Variants in RPRD2 observed in about 807,000 individuals in gnomAD.
RPRD2 encodes regulation of nuclear pre-mRNA domain-containing protein 2.
In RPRD2, 12 loss-of-function variants were observed where a neutral mutation model predicts 104.4. The ratio of observed to expected loss-of-function variants is 0.11; its 90% confidence interval spans 0.07 to 0.19. The LOEUF (loss-of-function observed/expected upper bound fraction) is 0.19. Ranked by LOEUF, RPRD2 falls within the 10% of genes least tolerant of loss-of-function variation. The pLI is 1.00. For missense variants in RPRD2, 1,543 were observed against 1,790.1 expected, an observed-to-expected ratio of 0.86 and a Z score of 2.49; for synonymous variants, 714 against 684.9, an observed-to-expected ratio of 1.04 and a Z score of -0.66.
rs761428712 is a variant in RPRD2 at position 150,472,819 on chromosome 1, ACTCCACCCCCTC to A, written c.3883_3894del (p.Pro1295_Pro1298del). On this transcript the variant is annotated inframe_deletion, in exon 11 of 11. Transcript: ENST00000369068. ...TGGTGGGAGTGGTGTCCCCTTTTCT[ACTCCACCCCCTC>A]CTCCACCCCCTGTTGACCACTCTGG... The A allele has an allele frequency of 1.2e-4, 198 of 1,600,190 alleles. No individual in the cohort carries two copies. Among genetic ancestry groups the A allele is most frequent in the Non-Finnish European group, 1.5e-4 (174 of 1,173,874 alleles).
chr1:150,369,502 G>A (rs1335280251), intron 1 of RPRD2, among the ~76,000 whole-genome samples: 1 of 131,412 alleles, frequency 7.6e-6, no homozygotes, highest in African/African-American at 2.9e-5. Context: ...TGTCGCCCAG[G>A]CTGGAGTGCA....
At chr1:150,433,349 C>T (rs1665733506) in intron 2 of RPRD2, among the ~76,000 whole-genome samples, 1 of 149,352 alleles carries the variant, frequency 6.7e-6, no homozygotes, top group Non-Finnish European at 1.5e-5. Flanking sequence ...AGAAATTTAC[C>T]ATCAACAGAC....
At chr1:150,451,148 G>A (rs1667140146) in intron 7 of RPRD2, among the ~76,000 whole-genome samples, 1 of 152,070 alleles carries the variant, frequency 6.6e-6, no homozygotes, top group Non-Finnish European at 1.5e-5. Flanking sequence ...TTTGTATAAT[G>A]TTTCCCAGTT....
chr1:150,400,090 G>A (rs1371236352), intron 1 of RPRD2, among the ~76,000 whole-genome samples: 1 of 152,120 alleles, frequency 6.6e-6, no homozygotes, highest in Non-Finnish European at 1.5e-5. Flanking sequence ...TCAGCATAGC[G>A]ATCTTGCATG....
At chr1:150,371,488 T>A (rs1206066731) in intron 1 of RPRD2, among the ~76,000 whole-genome samples, 1 of 151,924 alleles carries the variant, frequency 6.6e-6, no homozygotes, top group Non-Finnish European at 1.5e-5. Context: ...CTCAGCCTCC[T>A]GAGTAGCTGG....
intron 1 of RPRD2, among the ~76,000 whole-genome samples, chr1:150,372,415 G>A (rs1251735727): frequency 2.0e-5 from 3 of 151,854 alleles, no homozygotes; most frequent in East Asian, 1.9e-4. Flanking sequence ...GCTTGAACCC[G>A]GGAGGCAGAG....
At chr1:150,451,749 A>T (rs1286254680) in intron 7 of RPRD2, among the ~76,000 whole-genome samples, 2 of 151,744 alleles carry the variant, frequency 1.3e-5, no homozygotes, top group African/African-American at 2.4e-5. Flanking sequence ...TGTGAATGTG[A>T]CCTTATTTGG....
At chr1:150,455,499 C>G (rs1317128187) in intron 7 of RPRD2, among the ~76,000 whole-genome samples, 1 of 148,512 alleles carries the variant, frequency 6.7e-6, no homozygotes. Context: ...GAGACTCCAT[C>G]TCAAAAAAAA....
chr1:150,464,786 A>C, intron 10 of RPRD2, 59 bp downstream of exon 10: 2 of 1,304,302 alleles, frequency 1.5e-6, no homozygotes, highest in Non-Finnish European at 2.2e-6. Flanking sequence ...GCTTAAATTA[A>C]TCCTGGATTC....
chr1:150,429,404 G>A (rs138602472), intron 2 of RPRD2, among the ~76,000 whole-genome samples: 296 of 151,904 alleles, frequency 1.9e-3, no homozygotes, highest in Middle Eastern at 0.014. Context: ...TCTCAGGCTG[G>A]AGTACAGTGG....
Position 150,470,965 on chromosome 1 carries a change from C to T in RPRD2, c.2017C>T (p.His673Tyr). The change falls in exon 11 of 11, where the codon CAC becomes TAC. Residue 673 changes from histidine to tyrosine, a missense_variant. By Grantham distance (83) the His-to-Tyr change is moderately conservative. Coordinates refer to ENST00000369068, the MANE Select transcript of RPRD2 (RefSeq NM_015203.5). ...STSPSLEMKI[H>Y]NFLKGNPGFS... The stretch of plus-strand genomic sequence containing the variant: ...CTCCCCAAGCCTGGAAATGAAGATT[C>T]ACAACTTCTTAAAAGGTAATCCTGG... 1 of 1,613,978 alleles carries T rather than the reference C, an allele frequency of 6.2e-7. No individual in the cohort carries two copies. Among genetic ancestry groups the T allele is most frequent in the Non-Finnish European group, 8.5e-7 (1 of 1,179,888 alleles).
chr1:150,376,295 C>T (rs1660684859), intron 1 of RPRD2, among the ~76,000 whole-genome samples: 2 of 152,086 alleles, frequency 1.3e-5, no homozygotes. Flanking sequence ...CTTGCACTTT[C>T]TAGTTCTCTG....
Position 150,472,847 on chromosome 1 carries a change from A to G in RPRD2, c.3899A>G (p.Asp1300Gly). The change falls in exon 11 of 11, where the codon GAC (aspartate) becomes GGC (glycine). Residue 1300 changes from aspartate to glycine, a missense_variant. This residue lies in a region of RPRD2 where 880 missense variants were observed against 885.6 expected (regional missense o/e 0.99). Coordinates refer to ENST00000369068, the MANE Select transcript of RPRD2 (RefSeq NM_015203.5). Reference sequence around the variant, plus strand: ...CCACCCCCTCCTCCACCCCCTGTTGACCACTCTGGAGTTGTACCCTTCCCA... The same window carrying G: ...CCACCCCCTCCTCCACCCCCTGTTGGCCACTCTGGAGTTGTACCCTTCCCA... ...STPPPPPPPV[D>G]HSGVVPFPAP... 1 of 1,612,252 alleles carries G rather than the reference A, an allele frequency of 6.2e-7. No individual in the cohort carries two copies. The highest frequency in any genetic ancestry group is 8.5e-7 in the Non-Finnish European group (1 of 1,179,128).
rs185743706 is a variant in RPRD2, at chr1:150,456,269, G to A, written c.871-1019G>A. 7.2e-5 allele frequency among the ~76,000 whole-genome samples: 11 copies of A among 152,116 alleles called. No homozygotes were observed. In the East Asian group the frequency reaches 2.1e-3, roughly 29 times the overall value. On this transcript the variant is annotated intron_variant, in intron 7 of 10. Coordinates refer to ENST00000369068, the MANE Select transcript of RPRD2 (RefSeq NM_015203.5). ...ACATTTAGGCTCTCAATAAATATTG[G>A]TTGGTTGGATAGATAAACAGGAGCA...
intron 2 of RPRD2, among the ~76,000 whole-genome samples, chr1:150,431,664 A>G (rs1466807446): frequency 8.5e-6 from 1 of 118,258 alleles, no homozygotes; most frequent in Non-Finnish European, 2.0e-5. Context: ...TATTTTTAGT[A>G]GAGACAGGGG....
intron 1 of RPRD2, among the ~76,000 whole-genome samples, chr1:150,398,748 G>A (rs1395253457): frequency 6.6e-6 from 1 of 150,552 alleles, no homozygotes; most frequent in Non-Finnish European, 1.5e-5. Flanking sequence ...TCACCATGTC[G>A]GCCAGGCTGG....
In RPRD2 at chr1:150,473,183, T is replaced by A. The variant is rs1199094915; in HGVS notation, c.4235T>A (p.Ile1412Lys). The change falls in exon 11 of 11, where the codon ATA becomes AAA. Residue 1412 changes from isoleucine (I) to lysine (K), a missense_variant. Coordinates refer to ENST00000369068, the MANE Select transcript of RPRD2 (RefSeq NM_015203.5). ...SHRDTISRSG[I>K]ILRSPRPDFR... ...AGAGACACCATCAGCCGGAGTGGTA[T>A]AATCTTACGGAGTCCCCGGCCAGAC... 1.2e-6 allele frequency: 2 copies of A among 1,613,846 alleles called. No homozygotes were observed. Among genetic ancestry groups the A allele is most frequent in the Admixed American group, 3.3e-5 (2 of 59,996 alleles).
Position 150,464,517 on chromosome 1 carries a change from C to T in RPRD2, c.1412-10C>T. Reference sequence around the variant, plus strand: ...ATTGCATTTTCTTGAGTTCATCTTTCTGCCACCAGGGGTCAGTCCTGCATC... The same window carrying T: ...ATTGCATTTTCTTGAGTTCATCTTTTTGCCACCAGGGGTCAGTCCTGCATC... On this transcript the variant is annotated splice_polypyrimidine_tract_variant and intron_variant, in intron 9 of 10. Coordinates refer to ENST00000369068, the MANE Select transcript of RPRD2 (RefSeq NM_015203.5). The T allele has an allele frequency of 6.3e-7, 1 of 1,585,754 alleles. No individual in the cohort carries two copies. The highest frequency in any genetic ancestry group is 8.6e-7 in the Non-Finnish European group (1 of 1,166,022).
chr1:150,444,359 A>G lies in RPRD2; in HGVS notation c.676A>G (p.Thr226Ala). 6.2e-7 allele frequency: 1 copy of G among 1,613,042 alleles called. No homozygotes were observed. The highest frequency in any genetic ancestry group is 8.5e-7 in the Non-Finnish European group (1 of 1,179,582). ...GAGGGTGGATGTGTGCAGCACAGAAACTCTCAAATGCTTAAAAGGTAATGC... is the reference window on the plus strand; with the variant it reads ...GAGGGTGGATGTGTGCAGCACAGAAGCTCTCAAATGCTTAAAAGGTAATGC... ...TMRVDVCSTETLKCLKDKTGG... is the reference protein window; with the variant it reads ...TMRVDVCSTEALKCLKDKTGG... The change falls in exon 6 of 11, where the codon ACT (threonine) becomes GCT (alanine). Residue 226 changes from threonine (T) to alanine (A), a missense_variant. This residue lies in a region of RPRD2 where 572 missense variants were observed against 787.3 expected (regional missense o/e 0.73). Transcript: ENST00000369068.
Sources: gnomAD v4.1 joint callset for allele counts (sites outside exome capture counted in the v4.1 genomes callset) on GRCh38, gnomAD v4.1.1 for gene constraint, gnomAD v4.1.1 regional missense constraint, MANE v1.5 for transcripts, NCBI Gene and HGNC (gene_info 2026-07-23, HGNC 2026-07-21) for gene names.